CCP110: variants seen among roughly 807,000 people sequenced by gnomAD.
The protein encoded by CCP110 is centriolar coiled-coil protein of 110 kDa.
In CCP110, 43 loss-of-function variants were observed where a neutral mutation model predicts 105.5. The ratio of observed to expected loss-of-function variants is 0.41; its 90% CI spans 0.32 to 0.53. The LOEUF is 0.53. Among genes scored for constraint, CCP110 ranks in the 20% least tolerant of loss-of-function variants. The pLI is 0.32. For missense variants in CCP110, 1,016 were observed against 1,189.1 expected, an observed-to-expected ratio of 0.85 and a Z score of 2.14; for synonymous variants, 353 against 392.1, an observed-to-expected ratio of 0.90 and a Z score of 1.18.
chr16:19,530,644 C>T (rs1370179906), intron 2 of CCP110, among the ~76,000 whole-genome samples: 4 of 150,512 alleles, frequency 2.7e-5, no homozygotes, highest in African/African-American at 4.9e-5. Flanking sequence ...GATCGAGCCA[C>T]TGCACAACAG....
At chr16:19,541,907 A>G in exon 6 of CCP110, 1 of 1,592,044 alleles carries the variant, frequency 6.3e-7, no homozygotes. Flanking sequence ...AGCAGGAGAA[A>G]ATGTTAAAAG....
At chr16:19,540,857 T>C (rs1433015839) in intron 5 of CCP110, 70 bp downstream of exon 5, 2 of 1,424,314 alleles carry the variant, frequency 1.4e-6, no homozygotes, top group Non-Finnish European at 1.9e-6. Context: ...ATTTTGGTCA[T>C]GTATAGAATA....
chr16:19,545,115 A>G (rs1415338960), exon 10 of CCP110: 4 of 1,609,868 alleles, frequency 2.5e-6, no homozygotes, highest in Non-Finnish European at 3.4e-6. Flanking sequence ...CTTGTACGGT[A>G]TTCATGACAT....
At chr16:19,541,818 C>A in intron 5 of CCP110, 69 bp from the exon 6 acceptor site, 2 of 877,506 alleles carry the variant, frequency 2.3e-6, no homozygotes, top group East Asian at 2.8e-5. Flanking sequence ...TTTGGCTAAG[C>A]CTAAAATGAT....
chr16:19,542,694 A>G (rs1246386870), exon 7 of CCP110: 1 of 1,613,376 alleles, frequency 6.2e-7, no homozygotes, highest in East Asian at 2.2e-5. Flanking sequence ...GGGGATCATC[A>G]ACTAGTGGCT....
intron 11 of CCP110, 27 bp from the exon 12 acceptor site, chr16:19,546,385 T>G: frequency 7.6e-7 from 1 of 1,322,914 alleles, no homozygotes; most frequent in South Asian, 1.2e-5. Context: ...CTAAATACAT[T>G]ATGTCCTTAT....
chr16:19,535,816 TTTTC>T, intron 3 of CCP110, 120 bp from the exon 4 acceptor site: 1 of 706,618 alleles, frequency 1.4e-6, no homozygotes, highest in Non-Finnish European at 2.2e-6. Context: ...TCATCTTAGT[TTTTC>T]TTTATGTTTT....
chr16:19,532,516 G>A lies in CCP110; in HGVS notation c.242G>A (p.Arg81His), dbSNP rs778186966. The change falls in exon 3 of 15, where the codon CGT becomes CAT. Residue 81 changes from arginine (R) to histidine (H), a missense_variant. Coordinates refer to ENST00000381396, the Ensembl canonical transcript of CCP110. ...AACAGGAAGAAAGCTTTACTGACTC[G>A]TGTCCAGGAGATTCTTGACAATGTT... The A allele has an allele frequency of 6.2e-6, 10 of 1,608,798 alleles. No individual in the cohort carries two copies. Among genetic ancestry groups the A allele is most frequent in the African/African-American group, 1.3e-5 (1 of 74,684 alleles).
exon 15 of CCP110, chr16:19,551,418 C>A: frequency 1.5e-6 from 1 of 662,236 alleles, no homozygotes; most frequent in Non-Finnish European, 2.8e-6. Context: ...TGCTCCACAC[C>A]CCTATTTTCC....
chr16:19,536,055 G>T (rs1175113347), exon 4 of CCP110: 1 of 1,613,926 alleles, frequency 6.2e-7, no homozygotes, highest in Non-Finnish European at 8.5e-7. Context: ...AGCTTTCCAA[G>T]CCATACGGAA....
At chr16:19,550,298 C>T (rs975064225) in intron 14 of CCP110, among the ~76,000 whole-genome samples, 15 of 151,988 alleles carry the variant, frequency 9.9e-5, no homozygotes, top group South Asian at 2.1e-4. Flanking sequence ...ATTACAGGCG[C>T]GTGCCACCAT....
intron 3 of CCP110, among the ~76,000 whole-genome samples, chr16:19,535,541 G>A (rs112609959): frequency 1.1e-4 from 16 of 152,086 alleles, no homozygotes; most frequent in Non-Finnish European, 4.4e-5. Context: ...TTGGATGATA[G>A]CTATCCTAGG....
chr16:19,548,349 C>A lies in CCP110; in HGVS notation c.2901-166C>A. On this transcript the variant is annotated intron_variant, in intron 13 of 14. Coordinates refer to ENST00000381396, the Ensembl canonical transcript of CCP110. This position sits in a 1 kb window ranked among gnomAD's most constrained non-coding sequence, Gnocchi z 4.1. ...TATGACTCGTGCTTATAGTCTCCTGCTGAAGCCAGAGTTTAGCTTTCCTTA... is the reference window on the plus strand; with the variant it reads ...TATGACTCGTGCTTATAGTCTCCTGATGAAGCCAGAGTTTAGCTTTCCTTA... The A allele has an allele frequency of 1.7e-6, 1 of 588,720 alleles. No homozygotes were observed. The highest frequency in any genetic ancestry group is 2.3e-5 in the South Asian group (1 of 43,462). The allele number at this position is 588,720 out of a possible 1,614,324, so 36.5% of individuals were successfully genotyped here.
intron 3 of CCP110, among the ~76,000 whole-genome samples, chr16:19,533,476 A>G (rs1206311639): frequency 6.6e-6 from 1 of 152,152 alleles, no homozygotes; most frequent in Non-Finnish European, 1.5e-5. Context: ...GGAAAGAAAA[A>G]AAAAGGAGGG....
At chr16:19,541,231 C>A (rs929134748) in intron 5 of CCP110, among the ~76,000 whole-genome samples, 7 of 151,474 alleles carry the variant, frequency 4.6e-5, no homozygotes, top group African/African-American at 7.3e-5. Context: ...CCACTGCACT[C>A]CAGCCTGGGC....
At chr16:19,537,470 C>T in exon 4 of CCP110, 3 of 1,611,800 alleles carry the variant, frequency 1.9e-6, no homozygotes, top group Non-Finnish European at 2.5e-6. Flanking sequence ...AGAAAACTGC[C>T]CTTATGTCAT....
At position 19,548,191 on chromosome 16, in the gene CCP110, G is replaced by A. The variant is rs964405940; in HGVS notation, c.2900+177G>A. On this transcript the variant is annotated intron_variant, in intron 13 of 14. Transcript: ENST00000381396. This position sits in a 1 kb window ranked among gnomAD's most constrained non-coding sequence, Gnocchi z 4.1. The stretch of plus-strand genomic sequence containing the variant: ...TGTCTTCAAATGTAACCCTCTTGGT[G>A]TACTGTTGTGTATTCTAATTACTGT... 8 of 643,364 alleles carry A rather than the reference G, an allele frequency of 1.2e-5. No individual in the cohort carries two copies. Among genetic ancestry groups the A allele is most frequent in the African/African-American group, 1.1e-4 (6 of 54,790 alleles). 39.9% of individuals were successfully genotyped at this position (643,364 alleles called of 1,614,324 possible). A position where few individuals can be genotyped will look rare whatever the true frequency, so the allele number is the denominator to read the frequency against.
intron 1 of CCP110, chr16:19,525,739 T>C (rs1969647763): frequency 6.6e-6 from 1 of 152,664 alleles, no homozygotes; most frequent in Non-Finnish European, 1.5e-5. Context: ...GTGCTGATAC[T>C]GTTCTGTGTA....
rs751512708 is a variant in CCP110 at position 19,548,033 on chromosome 16, G to T, written c.2900+19G>T. The T allele has an allele frequency of 7.1e-6, 11 of 1,559,980 alleles. No individual in the cohort carries two copies. The South Asian group carries it at 1.1e-4, about 16-fold the overall frequency. The stretch of plus-strand genomic sequence containing the variant: ...GACAAGGGTAAGAATGCCACACACG[G>T]GTATTGAAAACTACGGAAACCAAGA... On this transcript the variant is annotated intron_variant, in intron 13 of 14. Transcript: ENST00000381396. The surrounding 1 kb of genome is among the most constrained non-coding windows in gnomAD (Gnocchi z 4.1).
Sources: allele counts gnomAD v4.1 joint callset (sites outside exome capture counted in the v4.1 genomes callset), GRCh38; gene constraint gnomAD v4.1.1; non-coding constraint Gnocchi (gnomAD v3.1); transcripts MANE v1.5; gene names NCBI Gene and HGNC (gene_info 2026-07-23, HGNC 2026-07-21).